EYA2: variants seen among roughly 807,000 people sequenced by gnomAD.
The protein encoded by EYA2 is EYA transcriptional coactivator and phosphatase 2, also known as protein phosphatase EYA2.
In EYA2, 31 loss-of-function variants were observed where a neutral mutation model predicts 69.2. The observed-to-expected ratio is 0.45, with a 90% confidence interval of 0.34 to 0.60. EYA2 has a LOEUF of 0.60. Ranked by LOEUF, EYA2 falls within the 20% of genes least tolerant of loss-of-function variation. The probability of loss-of-function intolerance (pLI) is 0.02; values close to 1 mark genes in which losing one functional copy is unlikely to be tolerated. For missense variants in EYA2, 622 were observed against 701.2 expected, an observed-to-expected ratio of 0.89 and a Z score of 1.28; for synonymous variants, 257 against 279.4, an observed-to-expected ratio of 0.92 and a Z score of 0.80.
At chr20:47,016,100 C>A in intron 4 of EYA2, 81 bp from the exon 5 acceptor site, 1 of 1,029,774 alleles carries the variant, frequency 9.7e-7, no homozygotes, top group Non-Finnish European at 1.5e-6. Context: ...CTGTCTTGAC[C>A]CAGTAGCTCT....
At chr20:47,078,171 G>A (rs1391989641) in intron 7 of EYA2, among the ~76,000 whole-genome samples, 2 of 152,326 alleles carry the variant, frequency 1.3e-5, no homozygotes, top group Admixed American at 1.3e-4. Flanking sequence ...ACAGTAAGTG[G>A]TTGAGATGGT....
chr20:46,908,668 T>C (rs1984481386), intron 1 of EYA2, among the ~76,000 whole-genome samples: 1 of 152,148 alleles, frequency 6.6e-6, no homozygotes, highest in Non-Finnish European at 1.5e-5. Flanking sequence ...CCCGGTGCCA[T>C]TCAGGAATGG....
At chr20:46,965,224 A>G (rs902894195) in intron 1 of EYA2, among the ~76,000 whole-genome samples, 4 of 152,226 alleles carry the variant, frequency 2.6e-5, no homozygotes, top group Non-Finnish European at 4.4e-5. Flanking sequence ...GCTCAAGGTC[A>G]TACAGGAATA....
intron 7 of EYA2, 147 bp downstream of exon 7, chr20:47,074,482 AC>A (rs1393286132): frequency 2.5e-6 from 2 of 785,448 alleles, no homozygotes; most frequent in Admixed American, 5.8e-5. Flanking sequence ...TGAAGGAGGG[AC>A]CTGGATATGG....
At chr20:47,067,279 G>C (rs768373092) in intron 5 of EYA2, among the ~76,000 whole-genome samples, 9 of 152,158 alleles carry the variant, frequency 5.9e-5, no homozygotes, top group Non-Finnish European at 1.0e-4. Context: ...GCTTTTGCAA[G>C]TAGGGTCACC....
intron 1 of EYA2, among the ~76,000 whole-genome samples, chr20:46,936,850 T>C (rs1436719649): frequency 1.3e-5 from 2 of 152,152 alleles, no homozygotes; most frequent in East Asian, 3.9e-4. Context: ...GGGGATTTCT[T>C]TTCTGCCTCA....
intron 12 of EYA2, among the ~76,000 whole-genome samples, chr20:47,173,205 G>A (rs750038992): frequency 2.0e-5 from 3 of 152,128 alleles, no homozygotes; most frequent in Non-Finnish European, 4.4e-5. Flanking sequence ...ACCTGGGGAT[G>A]TGTTGAAAAT....
intron 9 of EYA2, among the ~76,000 whole-genome samples, chr20:47,140,562 C>T (rs1350224869): frequency 1.3e-5 from 2 of 152,092 alleles, no homozygotes; most frequent in Non-Finnish European, 2.9e-5. Context: ...GGACAAGGCC[C>T]CTGTCGCTCC....
At chr20:46,910,871 C>A (rs2146223285) in intron 1 of EYA2, among the ~76,000 whole-genome samples, 1 of 152,310 alleles carries the variant, frequency 6.6e-6, no homozygotes, top group Non-Finnish European at 1.5e-5. Context: ...CAAAACATCA[C>A]AAGATCTGTC....
At chr20:47,054,510 G>C (rs911561788) in intron 5 of EYA2, among the ~76,000 whole-genome samples, 1 of 152,160 alleles carries the variant, frequency 6.6e-6, no homozygotes, top group Non-Finnish European at 1.5e-5. Context: ...TGTGTGGGGG[G>C]CTGCTTGAGA....
At chr20:47,169,998 C>T (rs1351566029) in intron 11 of EYA2, among the ~76,000 whole-genome samples, 1 of 152,048 alleles carries the variant, frequency 6.6e-6, no homozygotes, top group Admixed American at 6.6e-5. Context: ...CTCCACCTCC[C>T]AGGCTCAAGC....
Position 47,078,325 on chromosome 20 carries a change from G to A in EYA2, c.661+3990G>A, listed in dbSNP as rs1018885950. 2.8e-4 allele frequency among the ~76,000 whole-genome samples: 30 copies of A among 105,380 alleles called. 1 individual carries two copies. Among genetic ancestry groups the A allele is most frequent in the East Asian group, 1.3e-3 (3 of 2,338 alleles). 69.1% of individuals were successfully genotyped at this position (105,380 alleles called of 152,430 possible). A position where few individuals can be genotyped will look rare whatever the true frequency, so the allele number is the denominator to read the frequency against. On this transcript the variant is annotated intron_variant, in intron 7 of 15. Transcript: ENST00000327619. ...TGTGTGCACATGTGCACGTGCGCGCGCGCGCGCACACACACACACACACAC... is the reference window on the plus strand; with the variant it reads ...TGTGTGCACATGTGCACGTGCGCGCACGCGCGCACACACACACACACACAC...
chr20:47,095,113 A>G (rs2032210834), intron 8 of EYA2, among the ~76,000 whole-genome samples: 1 of 152,204 alleles, frequency 6.6e-6, no homozygotes, highest in South Asian at 2.1e-4. Flanking sequence ...ACTTAGGAAA[A>G]TTCTAATTGG....
At chr20:46,949,549 C>T (rs923362613) in intron 1 of EYA2, among the ~76,000 whole-genome samples, 2 of 152,204 alleles carry the variant, frequency 1.3e-5, no homozygotes, top group Non-Finnish European at 2.9e-5. Flanking sequence ...GTCAGGATTT[C>T]AGTTGTTTTC....
chr20:47,110,582 A>G (rs1031645737), intron 9 of EYA2, among the ~76,000 whole-genome samples: 2 of 152,204 alleles, frequency 1.3e-5, no homozygotes, highest in African/African-American at 4.8e-5. Flanking sequence ...TCTCGAGGGT[A>G]AAAATTAAAA....
chr20:46,901,783 G>C (rs1367350459), intron 1 of EYA2: 1 of 152,214 alleles, frequency 6.6e-6, no homozygotes, highest in African/African-American at 2.4e-5. Context: ...CCGCTGCTCG[G>C]AAGGTGTCAC....
intron 5 of EYA2, among the ~76,000 whole-genome samples, chr20:47,055,602 G>T (rs140503227): frequency 6.6e-6 from 1 of 152,130 alleles, no homozygotes; most frequent in Non-Finnish European, 1.5e-5. Context: ...ATCCTCTCCT[G>T]AATTTCACTC....
chr20:47,160,719 T>C (rs372276516), intron 10 of EYA2: 1 of 153,570 alleles, frequency 6.5e-6, no homozygotes, highest in South Asian at 2.1e-4. Context: ...CTCTTTGCCT[T>C]GTCTTTTCCA....
intron 1 of EYA2, among the ~76,000 whole-genome samples, chr20:46,899,516 A>G (rs542962261): frequency 6.4e-4 from 98 of 152,354 alleles, no homozygotes; most frequent in Non-Finnish European, 1.2e-3. Flanking sequence ...AAAAGAGTCA[A>G]TAAATTTACC....
Sources: allele counts gnomAD v4.1 joint callset (sites outside exome capture counted in the v4.1 genomes callset), GRCh38; gene constraint gnomAD v4.1.1; transcripts MANE v1.5; gene names NCBI Gene and HGNC (gene_info 2026-07-23, HGNC 2026-07-21).